SNX30: variants seen among roughly 807,000 people sequenced by gnomAD.
SNX30 encodes sorting nexin family member 30.
SNX30 carries 24 observed loss-of-function variants against 46.4 expected under a neutral mutation model. The ratio of observed to expected loss-of-function variants is 0.52; its 90% CI spans 0.37 to 0.73. The LOEUF (loss-of-function observed/expected upper bound fraction) is 0.73. Ranked by LOEUF, SNX30 falls within the 30% of genes least tolerant of loss-of-function variation. SNX30 has a pLI of 0.00. For synonymous variants in SNX30, 189 were observed against 211.5 expected (o/e 0.89, Z 0.92); for missense variants, 533 against 555.7 (o/e 0.96, Z 0.41).
downstream of SNX30, among the ~76,000 whole-genome samples, chr9:112,884,617 A>G (rs973062952): frequency 2.6e-5 from 4 of 152,186 alleles, no homozygotes; most frequent in African/African-American, 9.7e-5. Context: ...TGGGATCCTG[A>G]TAGCAGTCAA....
chr9:112,775,406 C>A (rs2131369296), intron 1 of SNX30, among the ~76,000 whole-genome samples: 1 of 152,214 alleles, frequency 6.6e-6, no homozygotes, highest in African/African-American at 2.4e-5. Flanking sequence ...CCTTGGCCTC[C>A]CAAAGTGCTG....
intron 1 of SNX30, among the ~76,000 whole-genome samples, chr9:112,762,156 C>A (rs1839446019): frequency 6.6e-6 from 1 of 152,162 alleles, no homozygotes; most frequent in Admixed American, 6.5e-5. Flanking sequence ...TTATGTCTGC[C>A]TTGCCCCATA....
At chr9:112,804,170 G>T (rs573882563) in intron 1 of SNX30, among the ~76,000 whole-genome samples, 111 of 141,940 alleles carry the variant, frequency 7.8e-4, no homozygotes, top group Non-Finnish European at 1.2e-3. Context: ...GCAGAGGTTT[G>T]TTTTTTTTTT....
At chr9:112,879,822 G>A (rs1221180144), downstream of SNX30, 2 of 1,612,366 alleles carry the variant, frequency 1.2e-6, no homozygotes, top group Non-Finnish European at 1.7e-6. Flanking sequence ...CCACGATGCT[G>A]TAAGAATTGA....
chr9:112,796,435 G>A (rs1840108316), intron 1 of SNX30, among the ~76,000 whole-genome samples: 1 of 152,194 alleles, frequency 6.6e-6, no homozygotes, highest in Non-Finnish European at 1.5e-5. Context: ...GACGCCGTGT[G>A]TCCCGTGGTA....
At chr9:112,797,964 C>T (rs1383447016) in intron 1 of SNX30, among the ~76,000 whole-genome samples, 3 of 149,020 alleles carry the variant, frequency 2.0e-5, no homozygotes, top group South Asian at 4.2e-4. Flanking sequence ...TGCCTGCCTT[C>T]GCCTCCCAAA....
chr9:112,797,711 C>CTTTTTT (rs71384277), intron 1 of SNX30, among the ~76,000 whole-genome samples: 31 of 121,326 alleles, frequency 2.6e-4, no homozygotes, highest in African/African-American at 3.5e-4. Flanking sequence ...TTTTCTTTTT[C>CTTTTTT]TTTTTTTTTT....
At chr9:112,829,542 A>G (rs930248333) in intron 3 of SNX30, among the ~76,000 whole-genome samples, 4 of 152,242 alleles carry the variant, frequency 2.6e-5, no homozygotes, top group African/African-American at 9.6e-5. Context: ...TTGGCCTCCC[A>G]AAGTGCTGGG....
At chr9:112,883,352 A>G (rs1179568660), downstream of SNX30, among the ~76,000 whole-genome samples, 1 of 152,136 alleles carries the variant, frequency 6.6e-6, no homozygotes, top group Non-Finnish European at 1.5e-5. Context: ...ACCAGGTGCA[A>G]TGCATGTAGT....
At chr9:112,864,732 G>A (rs4978508) in intron 8 of SNX30, among the ~76,000 whole-genome samples, 34,842 of 152,028 alleles carry the variant, frequency 0.23, 5,080 homozygotes, top group East Asian at 0.49. Context: ...AGGCTTTGGG[G>A]TTACTTTACT....
intron 5 of SNX30, among the ~76,000 whole-genome samples, chr9:112,881,052 C>A (rs1398062301): frequency 1.3e-5 from 2 of 152,218 alleles, no homozygotes; most frequent in Admixed American, 1.3e-4. Flanking sequence ...GCAGAATTAG[C>A]TGCCTCATCG....
At chr9:112,863,455 G>T (rs1185653236) in intron 7 of SNX30, among the ~76,000 whole-genome samples, 1 of 152,210 alleles carries the variant, frequency 6.6e-6, no homozygotes, top group Admixed American at 6.5e-5. Context: ...AGCTGCACAG[G>T]ATGGTGAAAT....
chr9:112,876,429 C>T (rs141029478), downstream of SNX30, among the ~76,000 whole-genome samples: 5 of 151,090 alleles, frequency 3.3e-5, no homozygotes, highest in Middle Eastern at 6.9e-3. Context: ...GCCTGAGCAA[C>T]GTAGACCCCG....
At position 112,855,227 on chromosome 9, in the gene SNX30, T is replaced by A. The variant is rs576814353; in HGVS notation, c.1101+4282T>A. Among the ~76,000 whole-genome samples the A allele has an allele frequency of 1.7e-3, 262 of 151,988 alleles. 1 individual carries two copies. The highest frequency in any genetic ancestry group is 5.0e-3 in the African/African-American group (209 of 41,456). On this transcript the variant is annotated intron_variant, in intron 7 of 8. Coordinates refer to ENST00000374232, the MANE Select transcript of SNX30 (RefSeq NM_001012994.2). Reference sequence around the variant, plus strand: ...CTGCTGTTGATGAGATTTTTTTTTTTAAAAAGCCAGGGAATTCGGAAGTGG... The same window carrying A: ...CTGCTGTTGATGAGATTTTTTTTTTAAAAAAGCCAGGGAATTCGGAAGTGG...
In SNX30 at chr9:112,751,855, A is replaced by G. The variant is rs537970932; in HGVS notation, c.156+698A>G. 5.3e-5 allele frequency among the ~76,000 whole-genome samples: 8 copies of G among 152,286 alleles called. No homozygotes were observed. The South Asian group carries it at 1.7e-3, about 32-fold the overall frequency. On this transcript the variant is annotated intron_variant, in intron 1 of 8. Transcript: ENST00000374232. ...CCTTCTTTGTACGGAGGGAGGCTCC[A>G]GATTTTCTTAGAGCAGCACAACCCT... is the stretch of plus-strand genomic sequence containing the variant.
chr9:112,778,552 G>A (rs966932984), intron 1 of SNX30, among the ~76,000 whole-genome samples: 2 of 152,156 alleles, frequency 1.3e-5, no homozygotes, highest in Non-Finnish European at 2.9e-5. Context: ...GATTATAGGC[G>A]TGAGCCACTG....
intron 7 of SNX30, among the ~76,000 whole-genome samples, chr9:112,862,450 G>T (rs571569164): frequency 6.6e-6 from 1 of 152,164 alleles, no homozygotes; most frequent in Admixed American, 6.5e-5. Context: ...ACACTGGCTC[G>T]CTGGGCATCT....
At position 112,834,160 on chromosome 9, in the gene SNX30, G is replaced by T. The variant is rs142598348; in HGVS notation, c.619-2054G>T. 2.4e-3 allele frequency among the ~76,000 whole-genome samples: 367 copies of T among 151,792 alleles called. 1 individual carries two copies. The highest frequency in any genetic ancestry group is 4.0e-3 in the Admixed American group (61 of 15,236). On this transcript the variant is annotated intron_variant, in intron 4 of 8. Transcript: ENST00000374232. ...GAGAAGACTTCTGTGACCAAATTGC[G>T]GGGTGGGGGTGGGGGCGAGATTTTC...
intron 5 of SNX30, 38 bp from the exon 6 acceptor site, chr9:112,838,460 C>A: frequency 6.4e-7 from 1 of 1,564,764 alleles, no homozygotes; most frequent in South Asian, 1.2e-5. Context: ...GCAACTGCTA[C>A]CCAGCCAGAT....
Sources: gnomAD v4.1 joint callset for allele counts (sites outside exome capture counted in the v4.1 genomes callset) on GRCh38, gnomAD v4.1.1 for gene constraint, MANE v1.5 for transcripts, NCBI Gene and HGNC (gene_info 2026-07-23, HGNC 2026-07-21) for gene names.